Variants in CENPP observed in about 807,000 individuals in gnomAD.
The protein encoded by CENPP is centromere protein P.
A neutral mutation model predicts 35.6 loss-of-function variants in CENPP; 24 were observed. The ratio of observed to expected loss-of-function variants is 0.67; its 90% CI spans 0.49 to 0.95. The LOEUF (loss-of-function observed/expected upper bound fraction) is 0.95. Among genes scored for constraint, CENPP ranks in the 40% least tolerant of loss-of-function variants. The pLI, the probability that CENPP is intolerant of heterozygous loss-of-function variation, is 0.00. For missense variants in CENPP, 332 were observed against 345.3 expected (o/e 0.96, Z 0.31); for synonymous variants, 120 against 125.5 (o/e 0.96, Z 0.29).
chr9:92,588,697 G>A (rs1850599276), intron 5 of CENPP, among the ~76,000 whole-genome samples: 1 of 152,130 alleles, frequency 6.6e-6, no homozygotes, highest in Non-Finnish European at 1.5e-5. Context: ...AAACCCATAA[G>A]AGAATCACTT....
At position 92,455,378 on chromosome 9, in the gene CENPP, A is replaced by G. The variant is rs562483575; in HGVS notation, c.564+75519A>G. On this transcript the variant is annotated intron_variant, in intron 5 of 7. Transcript: ENST00000375587. Reference sequence around the variant, plus strand: ...GCACTGAAGCCTGGGCAACAGAGCAAGACTCTGTCTCTTAACAAAATAAAA... The same window carrying G: ...GCACTGAAGCCTGGGCAACAGAGCAGGACTCTGTCTCTTAACAAAATAAAA... Among the ~76,000 whole-genome samples the G allele has an allele frequency of 5.9e-5, 9 of 152,258 alleles. No individual in the cohort carries two copies. In the South Asian group the frequency reaches 1.9e-3, roughly 32 times the overall value.
At chr9:92,522,918 T>G in intron 5 of CENPP, 1 of 1,526,702 alleles carries the variant, frequency 6.6e-7, no homozygotes, top group Non-Finnish European at 8.7e-7. Flanking sequence ...TATTTCAAAG[T>G]TAGTGGTGAC....
chr9:92,443,417 A>G (rs1452296698), intron 5 of CENPP, among the ~76,000 whole-genome samples: 11 of 152,182 alleles, frequency 7.2e-5, no homozygotes, highest in Non-Finnish European at 1.2e-4. Flanking sequence ...GAATACTACA[A>G]AACAATGCCA....
At chr9:92,465,471 T>G (rs1195191381) in intron 5 of CENPP, among the ~76,000 whole-genome samples, 2 of 152,200 alleles carry the variant, frequency 1.3e-5, no homozygotes, top group Admixed American at 1.3e-4. Context: ...AAATATAACC[T>G]TGAAGAAATG....
chr9:92,420,910 A>G (rs886128359), intron 5 of CENPP, among the ~76,000 whole-genome samples: 2 of 152,152 alleles, frequency 1.3e-5, no homozygotes, highest in African/African-American at 4.8e-5. Flanking sequence ...CATAGAGGGA[A>G]GTGAGGAAGA....
At chr9:92,431,853 G>A (rs551091404) in intron 5 of CENPP, among the ~76,000 whole-genome samples, 23 of 152,260 alleles carry the variant, frequency 1.5e-4, no homozygotes, top group Middle Eastern at 3.4e-3. Context: ...GATTGCAGGC[G>A]TTAGCCACCA....
chr9:92,424,668 C>T (rs562998021), intron 5 of CENPP, among the ~76,000 whole-genome samples: 35 of 152,114 alleles, frequency 2.3e-4, no homozygotes, highest in Non-Finnish European at 4.3e-4. Flanking sequence ...TAAGGTGGAA[C>T]TCAAAATTTC....
At chr9:92,494,535 T>C (rs935719504) in intron 5 of CENPP, among the ~76,000 whole-genome samples, 1 of 152,228 alleles carries the variant, frequency 6.6e-6, no homozygotes, top group African/African-American at 2.4e-5. Flanking sequence ...GTCTAACAGT[T>C]ATCTTCATAT....
intron 2 of CENPP, among the ~76,000 whole-genome samples, chr9:92,336,341 A>AT (rs1840928283): frequency 6.6e-6 from 1 of 152,082 alleles, no homozygotes; most frequent in Non-Finnish European, 1.5e-5. Context: ...CAGTCTTCCT[A>AT]TTTTGAGCCC....
intron 5 of CENPP, among the ~76,000 whole-genome samples, chr9:92,523,412 A>C (rs1563985225): frequency 6.6e-6 from 1 of 152,150 alleles, no homozygotes; most frequent in African/African-American, 2.4e-5. Flanking sequence ...TATGTTGGGG[A>C]CCAGCCTCAA....
chr9:92,466,270 G>C, intron 5 of CENPP: 1 of 881,460 alleles, frequency 1.1e-6, no homozygotes, highest in South Asian at 1.8e-5. Flanking sequence ...ATTAATTTTG[G>C]AAATTATTCT....
intron 5 of CENPP, among the ~76,000 whole-genome samples, chr9:92,600,961 C>T (rs1850897947): frequency 6.6e-6 from 1 of 152,166 alleles, no homozygotes; most frequent in Non-Finnish European, 1.5e-5. Context: ...CAGGGTCAGA[C>T]AAGTGGGTCT....
chr9:92,409,486 C>G (rs1005360695), intron 5 of CENPP, among the ~76,000 whole-genome samples: 1 of 152,152 alleles, frequency 6.6e-6, no homozygotes, highest in Non-Finnish European at 1.5e-5. Context: ...CTGTATTTTA[C>G]TTTAGTGCTC....
chr9:92,564,158 G>A (rs1849908929), intron 5 of CENPP, among the ~76,000 whole-genome samples: 1 of 152,024 alleles, frequency 6.6e-6, no homozygotes. Context: ...AGGCCGAGGT[G>A]GGCAGATGAC....
chr9:92,528,403 G>T (rs545928815), intron 5 of CENPP, among the ~76,000 whole-genome samples: 41 of 152,318 alleles, frequency 2.7e-4, no homozygotes, highest in African/African-American at 9.4e-4. Flanking sequence ...TCCTAGGGCA[G>T]AGTACAGAGA....
At chr9:92,586,735 C>T (rs1017841737) in intron 5 of CENPP, among the ~76,000 whole-genome samples, 3 of 151,922 alleles carry the variant, frequency 2.0e-5, no homozygotes, top group African/African-American at 7.3e-5. Flanking sequence ...AGGAAATCTC[C>T]ATCAGGTCAC....
intron 5 of CENPP, among the ~76,000 whole-genome samples, chr9:92,448,037 G>A (rs1307419627): frequency 1.3e-5 from 2 of 152,170 alleles, no homozygotes; most frequent in African/African-American, 4.8e-5. Context: ...GGAATAAAGA[G>A]AAGAGACCAA....
chr9:92,551,238 G>A (rs1432984123), intron 5 of CENPP, among the ~76,000 whole-genome samples: 2 of 152,140 alleles, frequency 1.3e-5, no homozygotes, highest in Admixed American at 1.3e-4. Flanking sequence ...ACAGTTTCAG[G>A]CAAGAAAATT....
chr9:92,470,532 G>A (rs72754408), intron 5 of CENPP: 19,705 of 501,206 alleles, frequency 0.039, 525 homozygotes, highest in South Asian at 0.076. Flanking sequence ...TGACTAGAAC[G>A]CTGTTGAATG....
Sources: gnomAD v4.1 joint callset for allele counts (sites outside exome capture counted in the v4.1 genomes callset) on GRCh38, gnomAD v4.1.1 for gene constraint, MANE v1.5 for transcripts, NCBI Gene and HGNC (gene_info 2026-07-23, HGNC 2026-07-21) for gene names.